The following WDPCP variants were observed in gnomAD, a reference collection of about 807,000 sequenced individuals.
WDPCP encodes WD repeat-containing and planar cell polarity effector protein fritz homolog.
Under a neutral mutation model 93.1 loss-of-function variants are expected in WDPCP, and 71 were observed. That is an observed-to-expected ratio of 0.76 (90% confidence interval 0.63 to 0.93). The LOEUF (loss-of-function observed/expected upper bound fraction) is 0.93. WDPCP is among the 40% of genes least tolerant of loss of function. WDPCP has a pLI of 0.00. For missense variants in WDPCP, 844 were observed against 887.4 expected (o/e 0.95, Z 0.62); for synonymous variants, 315 against 315.0 (o/e 1.00, Z 0.00).
intron 3 of WDPCP, among the ~76,000 whole-genome samples, chr2:63,641,670 C>T (rs1354478520): frequency 6.6e-6 from 1 of 152,034 alleles, no homozygotes; most frequent in African/African-American, 2.4e-5. Context: ...GTTGTTTGAG[C>T]TCCTTACTTA....
intron 14 of WDPCP, among the ~76,000 whole-genome samples, chr2:63,200,952 T>C (rs929214598): frequency 5.9e-5 from 9 of 151,920 alleles, no homozygotes; most frequent in Non-Finnish European, 1.2e-4. Flanking sequence ...GGACATGAGA[T>C]ATGGGAGGGG....
chr2:63,508,575 A>C (rs1702031476), intron 1 of WDPCP, among the ~76,000 whole-genome samples: 1 of 152,198 alleles, frequency 6.6e-6, no homozygotes, highest in Admixed American at 6.5e-5. Context: ...GATCAAATTC[A>C]CACATAACAA....
intron 14 of WDPCP, among the ~76,000 whole-genome samples, chr2:63,244,795 GCAGTGACGTATTCCCATTTT>G (rs1680142581): frequency 6.6e-6 from 1 of 152,168 alleles, no homozygotes; most frequent in African/African-American, 2.4e-5. Context: ...TCCCATGATT[GCAGTGACGTATTCCCATTTT>G]CACTTATTTT....
At chr2:63,752,224 A>T in intron 2 of WDPCP, 1 of 716,390 alleles carries the variant, frequency 1.4e-6, no homozygotes, top group African/African-American at 1.7e-5. Flanking sequence ...TGCCTCAATC[A>T]GTCATAATTT....
chr2:63,312,138 T>A (rs1236298744), intron 13 of WDPCP, among the ~76,000 whole-genome samples: 1 of 152,202 alleles, frequency 6.6e-6, no homozygotes, highest in Non-Finnish European at 1.5e-5. Context: ...AAAATGCAGA[T>A]GACGAACAAT....
intron 2 of WDPCP, among the ~76,000 whole-genome samples, chr2:63,728,591 G>T (rs1159971536): frequency 1.3e-5 from 2 of 152,116 alleles, no homozygotes; most frequent in Non-Finnish European, 2.9e-5. Flanking sequence ...ATAACCCTAG[G>T]AAGTAAATAT....
chr2:63,243,895 G>C (rs1357175176), intron 14 of WDPCP, among the ~76,000 whole-genome samples: 7 of 152,058 alleles, frequency 4.6e-5, no homozygotes, highest in African/African-American at 1.4e-4. Flanking sequence ...AATGCTCCAT[G>C]CAACAACCAC....
intron 9 of WDPCP, among the ~76,000 whole-genome samples, chr2:63,419,545 A>C (rs776403530): frequency 2.0e-5 from 3 of 152,214 alleles, no homozygotes; most frequent in Non-Finnish European, 4.4e-5. Context: ...GAAATGATTC[A>C]TTTTCATTTT....
intron 2 of WDPCP, among the ~76,000 whole-genome samples, chr2:63,792,361 C>T (rs906130849): frequency 4.6e-5 from 7 of 152,144 alleles, no homozygotes; most frequent in African/African-American, 1.7e-4. Context: ...CATGAGAACT[C>T]ACTCACTATC....
chr2:63,523,122 C>T (rs1222892200), intron 1 of WDPCP, among the ~76,000 whole-genome samples: 1 of 152,182 alleles, frequency 6.6e-6, no homozygotes, highest in Admixed American at 6.5e-5. Flanking sequence ...ATCAAGTAGG[C>T]ATCATCCCTA....
chr2:63,691,600 A>C (rs529027423), intron 2 of WDPCP, among the ~76,000 whole-genome samples: 1 of 152,294 alleles, frequency 6.6e-6, no homozygotes, highest in South Asian at 2.1e-4. Flanking sequence ...GTGCCACTGC[A>C]TTCCAGCCTG....
chr2:63,821,389 T>A (rs1669925599), intron 1 of WDPCP, among the ~76,000 whole-genome samples: 1 of 152,112 alleles, frequency 6.6e-6, no homozygotes, highest in African/African-American at 2.4e-5. Context: ...ACATGGAAAA[T>A]AATTGTTAAG....
chr2:63,478,817 A>G (rs1420911633), intron 6 of WDPCP, among the ~76,000 whole-genome samples: 1 of 152,080 alleles, frequency 6.6e-6, no homozygotes, highest in African/African-American at 2.4e-5. Context: ...GAAAAGAAAT[A>G]ACAAAGATCA....
rs1167614676 is a variant in WDPCP at position 63,484,906 on chromosome 2, T to C, written c.324+11A>G. On this transcript the variant is annotated intron_variant, in intron 5 of 17. Transcript: ENST00000272321. ...TGTTTGTTGCCATTTTTGAAACTTT[T>C]TGAAAGATACCTCCAACTCTTTGAG... is the stretch of plus-strand genomic sequence containing the variant. 1.9e-6 allele frequency: 3 copies of C among 1,612,146 alleles called. No individual in the cohort carries two copies. The highest frequency in any genetic ancestry group is 2.5e-6 in the Non-Finnish European group (3 of 1,178,874).
chr2:63,675,508 T>C (rs1046660066), intron 2 of WDPCP, among the ~76,000 whole-genome samples: 8 of 152,162 alleles, frequency 5.3e-5, no homozygotes, highest in African/African-American at 1.9e-4. Flanking sequence ...CTCTCTCATT[T>C]CCTTTCTTCG....
intron 2 of WDPCP, among the ~76,000 whole-genome samples, chr2:63,651,691 A>G (rs569066645): frequency 2.0e-5 from 3 of 152,268 alleles, no homozygotes; most frequent in South Asian, 2.1e-4. Flanking sequence ...TACTGAGGGT[A>G]ATCATTACTT....
intron 10 of WDPCP, among the ~76,000 whole-genome samples, chr2:63,383,199 A>G (rs1488167669): frequency 6.6e-6 from 1 of 152,168 alleles, no homozygotes; most frequent in Non-Finnish European, 1.5e-5. Context: ...GATATGAATG[A>G]TTACAGATTT....
intron 17 of WDPCP, among the ~76,000 whole-genome samples, chr2:63,128,927 G>C (rs774608064): frequency 9.9e-5 from 15 of 152,134 alleles, no homozygotes; most frequent in Non-Finnish European, 1.5e-4. Context: ...CTTGGCCTCT[G>C]AAAGTGCTGG....
At chr2:63,243,933 C>T (rs1219244006) in intron 14 of WDPCP, among the ~76,000 whole-genome samples, 1 of 152,004 alleles carries the variant, frequency 6.6e-6, no homozygotes, top group Admixed American at 6.6e-5. Flanking sequence ...CATCTGCACA[C>T]ACAACATATT....
Sources: allele counts gnomAD v4.1 joint callset (sites outside exome capture counted in the v4.1 genomes callset), GRCh38; gene constraint gnomAD v4.1.1; transcripts MANE v1.5; gene names NCBI Gene and HGNC (gene_info 2026-07-23, HGNC 2026-07-21).